KHDC1: variants seen among roughly 807,000 people sequenced by gnomAD.
KHDC1 encodes the protein KH homology domain-containing protein 1.
In KHDC1, 21 loss-of-function variants were observed where a neutral mutation model predicts 24.7. That is an observed-to-expected ratio of 0.85 (90% CI 0.60 to 1.23). KHDC1 has a LOEUF of 1.23. Ranked by LOEUF, KHDC1 falls within the 50% of genes most tolerant of loss-of-function variation. KHDC1 has a pLI of 0.00. For synonymous variants in KHDC1, 98 were observed against 111.7 expected (o/e 0.88, Z 0.77); for missense variants, 274 against 298.5 (o/e 0.92, Z 0.61).
At chr6:73,292,751 C>T (rs954556330) in intron 1 of KHDC1, 13 of 730,268 alleles carry the variant, frequency 1.8e-5, no homozygotes, top group African/African-American at 6.9e-5. Flanking sequence ...TGTTCGAAAA[C>T]GTTGGCAGGT....
intron 1 of KHDC1, among the ~76,000 whole-genome samples, chr6:73,295,024 C>G (rs538508414): frequency 1.3e-5 from 2 of 152,184 alleles, no homozygotes; most frequent in African/African-American, 4.8e-5. Flanking sequence ...TGTGGTGGCA[C>G]ACACCTGTGG....
intron 2 of KHDC1, among the ~76,000 whole-genome samples, chr6:73,282,879 G>C (rs1767441227): frequency 6.6e-6 from 1 of 152,196 alleles, no homozygotes; most frequent in Admixed American, 6.5e-5. Context: ...GAGTGCTCCA[G>C]GAGACAGATT....
intron 2 of KHDC1, among the ~76,000 whole-genome samples, chr6:73,291,523 C>T (rs1036274967): frequency 7.3e-5 from 11 of 151,658 alleles, no homozygotes; most frequent in African/African-American, 2.4e-4. Context: ...ATAGAGGTTT[C>T]GCTTTGTTGC....
At chr6:73,266,823 A>C (rs1767083679) in intron 2 of KHDC1, among the ~76,000 whole-genome samples, 1 of 152,218 alleles carries the variant, frequency 6.6e-6, no homozygotes, top group African/African-American at 2.4e-5. Flanking sequence ...AAGACAACCC[A>C]CAGAATGAGA....
chr6:73,263,039 GGGCGGCGGCGGCGGCGGCGGCGGC>G, intron 2 of KHDC1: 10 of 965,562 alleles, frequency 1.0e-5, no homozygotes, highest in Non-Finnish European at 1.2e-5. Flanking sequence ...TCCCTGAGTA[GGGCGGCGGCGGCGGCGGCGGCGGC>G]GGCGGCAGCG....
At chr6:73,253,425 C>T (rs563999063) in intron 2 of KHDC1, among the ~76,000 whole-genome samples, 2 of 151,694 alleles carry the variant, frequency 1.3e-5, no homozygotes, top group South Asian at 4.2e-4. Flanking sequence ...TGGTGGCAGG[C>T]GCCTGTAGTA....
chr6:73,273,746 G>A (rs1018329016), intron 2 of KHDC1, among the ~76,000 whole-genome samples: 8 of 152,034 alleles, frequency 5.3e-5, no homozygotes, highest in Admixed American at 1.3e-4. Flanking sequence ...GTGAACCCGG[G>A]AGGTGGAGCT....
intron 1 of KHDC1, among the ~76,000 whole-genome samples, chr6:73,303,698 T>C (rs1450669205): frequency 6.6e-6 from 1 of 152,044 alleles, no homozygotes; most frequent in Non-Finnish European, 1.5e-5. Context: ...TTCTAGAAAA[T>C]AGCTGATATT....
intron 2 of KHDC1, among the ~76,000 whole-genome samples, chr6:73,283,775 C>T (rs956867176): frequency 6.6e-6 from 1 of 150,918 alleles, no homozygotes; most frequent in Admixed American, 6.6e-5. Flanking sequence ...AGGGTTTCAT[C>T]GTGTTGGCCA....
intron 2 of KHDC1, 38 bp from the exon 1 acceptor site, chr6:73,263,234 G>A: frequency 1.0e-6 from 1 of 986,858 alleles, no homozygotes; most frequent in Non-Finnish European, 1.2e-6. Context: ...CTGCGGCGCG[G>A]GAAGCAACCC....
intron 2 of KHDC1, among the ~76,000 whole-genome samples, chr6:73,255,898 T>A: frequency 7.6e-6 from 1 of 131,984 alleles, no homozygotes. Context: ...TGAGAACCTG[T>A]CTCAACAAAA....
intron 2 of KHDC1, among the ~76,000 whole-genome samples, chr6:73,272,861 TC>T (rs370853046): frequency 0.093 from 12,927 of 138,888 alleles, 1,100 homozygotes; most frequent in East Asian, 0.18. Flanking sequence ...CTTTTCTTTT[TC>T]TTTTTTTTTT....
intron 2 of KHDC1, among the ~76,000 whole-genome samples, chr6:73,279,216 G>A (rs1020835866): frequency 1.3e-5 from 2 of 152,114 alleles, no homozygotes; most frequent in Admixed American, 1.3e-4. Flanking sequence ...AGACCACCTT[G>A]GCCAACGTGA....
chr6:73,291,205 C>T, intron 2 of KHDC1: 4 of 463,236 alleles, frequency 8.6e-6, no homozygotes, highest in Non-Finnish European at 1.7e-5. Context: ...CCATGAATGA[C>T]TGGTCTGCAA....
intron 2 of KHDC1, among the ~76,000 whole-genome samples, chr6:73,262,196 T>C (rs1473904859): frequency 1.3e-5 from 2 of 152,242 alleles, no homozygotes; most frequent in South Asian, 2.1e-4. Context: ...TTGCCTTCTT[T>C]GTAAACCAGA....
chr6:73,302,720 G>A lies in KHDC1; in HGVS notation c.163+6832C>T, dbSNP rs79525298. 5.9e-5 allele frequency among the ~76,000 whole-genome samples: 9 copies of A among 152,116 alleles called. No individual in the cohort carries two copies. The East Asian group carries it at 1.5e-3, about 26-fold the overall frequency. Reference sequence around the variant, plus strand: ...TGATGGGACCATTATTGTATTTGAGGCCCATCATTGACTGAAATGTCATTA... The same window carrying A: ...TGATGGGACCATTATTGTATTTGAGACCCATCATTGACTGAAATGTCATTA... On this transcript the variant is annotated intron_variant, in intron 1 of 4. Coordinates refer to ENST00000370384, the Ensembl canonical transcript of KHDC1.
At chr6:73,306,950 A>C (rs953509670) in intron 1 of KHDC1, among the ~76,000 whole-genome samples, 2 of 152,162 alleles carry the variant, frequency 1.3e-5, no homozygotes, top group Non-Finnish European at 1.5e-5. Flanking sequence ...CAGAGATGGC[A>C]GTGAGTTGAG....
In KHDC1 at chr6:73,302,798, C is replaced by CG. The variant is rs1262090641; in HGVS notation, c.163+6753dup. ...CAGCCTAAAAAGATGGAAATCTGGC[C>CG]GGGCGCGGTGGCTCATGCCTGTAAT... On this transcript the variant is annotated intron_variant, in intron 1 of 4. Coordinates refer to ENST00000370384, the Ensembl canonical transcript of KHDC1. 1.2e-4 allele frequency among the ~76,000 whole-genome samples: 19 copies of CG among 152,218 alleles called. 1 individual carries two copies. The highest frequency in any genetic ancestry group is 4.6e-4 in the African/African-American group (19 of 41,534).
intron 2 of KHDC1, among the ~76,000 whole-genome samples, chr6:73,248,949 AAAAAAAAAGAAAG>A (rs1209305675): frequency 6.6e-6 from 1 of 151,786 alleles, no homozygotes. Flanking sequence ...GAGTCAAAAA[AAAAAAAAAGAAAG>A]AAAGAAAAGG....
Sources: allele counts gnomAD v4.1 joint callset (sites outside exome capture counted in the v4.1 genomes callset), GRCh38; gene constraint gnomAD v4.1.1; transcripts MANE v1.5; gene names NCBI Gene and HGNC (gene_info 2026-07-23, HGNC 2026-07-21).